ENPP2: variants seen among roughly 807,000 people sequenced by gnomAD.
ENPP2 encodes the protein ectonucleotide pyrophosphatase/phosphodiesterase 2, also known as autotaxin.
In ENPP2, 51 loss-of-function variants were observed where a neutral mutation model predicts 120.2. The ratio of observed to expected loss-of-function variants is 0.42; its 90% confidence interval spans 0.34 to 0.54. The LOEUF (loss-of-function observed/expected upper bound fraction) is 0.54. ENPP2 is among the 20% of genes least tolerant of loss of function. ENPP2 has a pLI of 0.04. For synonymous variants in ENPP2, 365 were observed against 366.4 expected (o/e 1.00, Z 0.04); for missense variants, 920 against 1,066.5 (o/e 0.86, Z 1.91).
intron 8 of ENPP2, among the ~76,000 whole-genome samples, chr8:119,608,205 T>G (rs146141486): frequency 2.0e-5 from 3 of 152,250 alleles, no homozygotes; most frequent in Non-Finnish European, 4.4e-5. Context: ...CCTGCTATGA[T>G]TCTAGTGACA....
rs562647118 is a variant in ENPP2, at chr8:119,586,956, C to T, written c.1239+88G>A. 1.7e-4 allele frequency: 194 copies of T among 1,116,978 alleles called. 2 individuals carry two copies. Among genetic ancestry groups the T allele is most frequent in the African/African-American group, 1.5e-3 (101 of 65,644 alleles). 69.2% of individuals were successfully genotyped at this position (1,116,978 alleles called of 1,614,324 possible). A position where few individuals can be genotyped will look rare whatever the true frequency, so the allele number is the denominator to read the frequency against. Reference sequence around the variant, plus strand: ...GAGGAAAGTGTTCCTCCCACCCCTCCCCGCCGGGGGAGGCACACACAGGAG... The same window carrying T: ...GAGGAAAGTGTTCCTCCCACCCCTCTCCGCCGGGGGAGGCACACACAGGAG... On this transcript the variant is annotated intron_variant, in intron 14 of 24. Coordinates refer to ENST00000075322, the MANE Select transcript of ENPP2 (RefSeq NM_001040092.3).
intron 1 of ENPP2, among the ~76,000 whole-genome samples, chr8:119,659,659 T>C (rs1022986516): frequency 5.9e-5 from 9 of 152,188 alleles, no homozygotes; most frequent in Admixed American, 3.9e-4. Context: ...GCCATTCTAA[T>C]ATGCTTAACA....
Position 119,626,702 on chromosome 8 carries a change from CA to C in ENPP2, c.154del (p.Trp52GlyfsTer44), listed in dbSNP as rs1386072700. ...GPPTVLSDSP[W>X]TNISGSCKGR... ...CTTGCAAGATCCGGAGATGTTGGTC[CA>C]GGGGGAGTCTGATAGCACTGCAAAG... On this transcript the variant is annotated frameshift_variant, in exon 3 of 25. Coordinates refer to ENST00000075322, the MANE Select transcript of ENPP2 (RefSeq NM_001040092.3). LOFTEE classifies it high-confidence loss of function. The C allele has an allele frequency of 6.2e-7, 1 of 1,613,998 alleles. No individual in the cohort carries two copies. The highest frequency in any genetic ancestry group is 1.7e-5 in the Admixed American group (1 of 60,002).
exon 1 of ENPP2, chr8:119,673,263 G>C: frequency 6.5e-7 from 1 of 1,535,222 alleles, no homozygotes; most frequent in Non-Finnish European, 8.7e-7. Context: ...CGATCGGCGT[G>C]GCGGGTCATG....
At chr8:119,624,064 G>GT (rs969925395) in intron 3 of ENPP2, among the ~76,000 whole-genome samples, 3 of 152,230 alleles carry the variant, frequency 2.0e-5, no homozygotes, top group African/African-American at 7.2e-5. Flanking sequence ...ATATTGTGGG[G>GT]TTTTTTCAAT....
intron 9 of ENPP2, among the ~76,000 whole-genome samples, chr8:119,602,968 A>T (rs1223350672): frequency 6.6e-6 from 1 of 152,078 alleles, no homozygotes; most frequent in Non-Finnish European, 1.5e-5. Context: ...GCTCACAGGG[A>T]TTTGTCATTC....
At chr8:119,606,510 A>C (rs1254244981) in intron 9 of ENPP2, among the ~76,000 whole-genome samples, 1 of 152,102 alleles carries the variant, frequency 6.6e-6, no homozygotes, top group Admixed American at 6.6e-5. Flanking sequence ...AAGAAATGTC[A>C]CACATAGGAT....
At chr8:119,659,465 A>T (rs1037408956) in intron 1 of ENPP2, among the ~76,000 whole-genome samples, 1 of 152,156 alleles carries the variant, frequency 6.6e-6, no homozygotes, top group Non-Finnish European at 1.5e-5. Context: ...AACCCTGCTG[A>T]TGTTATCCAC....
intron 9 of ENPP2, among the ~76,000 whole-genome samples, chr8:119,606,958 C>T (rs148317580): frequency 5.9e-4 from 90 of 151,930 alleles, no homozygotes; most frequent in Middle Eastern, 3.4e-3. Flanking sequence ...AAATCATCAA[C>T]ATGTTGATAC....
intron 20 of ENPP2, among the ~76,000 whole-genome samples, chr8:119,569,613 A>G (rs575690162): frequency 7.9e-5 from 12 of 152,072 alleles, no homozygotes; most frequent in Admixed American, 3.9e-4. Context: ...AAGAAAAACA[A>G]TATAGAAAGC....
chr8:119,621,442 A>C lies in ENPP2; in HGVS notation c.370T>G (p.Cys124Gly). The change falls in exon 4 of 25, where the codon TGC becomes GGC. Residue 124 changes from cysteine to glycine, a missense_variant. Coordinates refer to ENST00000075322, the MANE Select transcript of ENPP2 (RefSeq NM_001040092.3). ...EENACHCSEDCLARGDCCTNY... is the reference protein window; with the variant it reads ...EENACHCSEDGLARGDCCTNY... The stretch of plus-strand genomic sequence containing the variant: ...GTACAGCAGTCTCCCCTGGCCAAGC[A>C]GTCCTCTGAGCAGTGACAGGCATTT... 1 of 1,613,628 alleles carries C rather than the reference A, an allele frequency of 6.2e-7. No homozygotes were observed.
At chr8:119,650,189 C>A (rs1278714437) in intron 1 of ENPP2, among the ~76,000 whole-genome samples, 1 of 152,126 alleles carries the variant, frequency 6.6e-6, no homozygotes, top group African/African-American at 2.4e-5. Context: ...TGTGCTTCAG[C>A]ATCACAAACC....
chr8:119,610,346 G>A (rs538732153), intron 8 of ENPP2, among the ~76,000 whole-genome samples: 2 of 152,178 alleles, frequency 1.3e-5, no homozygotes, highest in South Asian at 4.1e-4. Flanking sequence ...AAAGAAAATT[G>A]AGAGCATGAT....
At position 119,628,638 on chromosome 8, in the gene ENPP2, T is replaced by C. The variant is rs1816446562; in HGVS notation, c.137-1918A>G. ...CTAATATGGAAAGATCTACAAAATA[T>C]ATAAATAAGTTGTTTAAAGAATAAA... On this transcript the variant is annotated intron_variant, in intron 2 of 24. Coordinates refer to ENST00000075322, the MANE Select transcript of ENPP2 (RefSeq NM_001040092.3). Among the ~76,000 whole-genome samples, 3 of 152,294 alleles carry C rather than the reference T, an allele frequency of 2.0e-5. No homozygotes were observed. The South Asian group carries it at 6.2e-4, about 32-fold the overall frequency.
intron 2 of ENPP2, among the ~76,000 whole-genome samples, chr8:119,631,607 T>C (rs375686310): frequency 4.6e-4 from 70 of 152,046 alleles, no homozygotes; most frequent in African/African-American, 1.5e-3. Flanking sequence ...TCTTGATGAG[T>C]GTACAAAAAA....
chr8:119,647,867 T>C (rs1429254044), intron 1 of ENPP2, among the ~76,000 whole-genome samples: 1 of 151,976 alleles, frequency 6.6e-6, no homozygotes, highest in African/African-American at 2.4e-5. Context: ...TAGCTGGGCA[T>C]GGTGGTGGGC....
At chr8:119,652,563 C>T (rs934690247) in intron 1 of ENPP2, among the ~76,000 whole-genome samples, 1 of 152,182 alleles carries the variant, frequency 6.6e-6, no homozygotes, top group Non-Finnish European at 1.5e-5. Flanking sequence ...TGAGATCCCT[C>T]TTCCTGTCCC....
In ENPP2 at chr8:119,607,917, C is replaced by A. The variant is rs1814833865; in HGVS notation, c.833+5G>T. The A allele has an allele frequency of 6.3e-7, 1 of 1,589,284 alleles. No homozygotes were observed. Among genetic ancestry groups the A allele is most frequent in the Non-Finnish European group, 8.6e-7 (1 of 1,162,474 alleles). ...ATAAACATTGACAAAATAAAGGTAA[C>A]TTACACAGACCAAAAGAATGTTCCA... On this transcript the variant is annotated splice_donor_5th_base_variant and intron_variant, in intron 9 of 24. Coordinates refer to ENST00000075322, the MANE Select transcript of ENPP2 (RefSeq NM_001040092.3).
At chr8:119,614,353 C>T (rs1025511257) in intron 8 of ENPP2, among the ~76,000 whole-genome samples, 9 of 152,082 alleles carry the variant, frequency 5.9e-5, no homozygotes, top group Non-Finnish European at 7.4e-5. Flanking sequence ...ACATGAGCCA[C>T]CACGCCCGGC....
Sources: allele counts gnomAD v4.1 joint callset (sites outside exome capture counted in the v4.1 genomes callset), GRCh38; gene constraint gnomAD v4.1.1; transcripts MANE v1.5; gene names NCBI Gene and HGNC (gene_info 2026-07-23, HGNC 2026-07-21).